The following SYT1 variants were observed in gnomAD, a reference collection of about 807,000 sequenced individuals.
SYT1 encodes the protein synaptotagmin 1.
In SYT1, 8 loss-of-function variants were observed where a neutral mutation model predicts 44.8. That is an observed-to-expected ratio of 0.18 (90% CI 0.10 to 0.32). SYT1 has a LOEUF of 0.32. Among genes scored for constraint, SYT1 ranks in the 10% least tolerant of loss-of-function variants. The pLI is 1.00. For synonymous variants in SYT1, 154 were observed against 188.8 expected (o/e 0.82, Z 1.51); for missense variants, 286 against 509.3 (o/e 0.56, Z 4.22).
chr12:79,240,627 G>C (rs1876448372), intron 4 of SYT1, among the ~76,000 whole-genome samples: 1 of 152,116 alleles, frequency 6.6e-6, no homozygotes. Context: ...TAGATTCCAG[G>C]TTGGAGACAC....
intron 3 of SYT1, among the ~76,000 whole-genome samples, chr12:79,194,177 C>T (rs913153987): frequency 2.0e-5 from 3 of 151,950 alleles, no homozygotes; most frequent in African/African-American, 4.8e-5. Context: ...TCCTGTCTCT[C>T]AGTAAATCTA....
Position 79,293,400 on chromosome 12 carries a change from TAAAA to T in SYT1, c.474+1271_474+1274del, listed in dbSNP as rs1565894676. ...TAAAATAAAATAAAATAAAATAAAA[TAAAA>T]TAAAATTAAAAAATCTGTAAGACAT... On this transcript the variant is annotated intron_variant, in intron 6 of 10. Transcript: ENST00000261205. Among the ~76,000 whole-genome samples, 460 of 53,868 alleles carry T rather than the reference TAAAA, an allele frequency of 8.5e-3. 17 individuals are homozygous for T. The East Asian group carries it at 0.17, about 19-fold the overall frequency. 35.3% of individuals were successfully genotyped at this position (53,868 alleles called of 152,430 possible).
intron 1 of SYT1, among the ~76,000 whole-genome samples, chr12:78,976,997 CA>C (rs1413786745): frequency 6.6e-6 from 1 of 150,682 alleles, no homozygotes; most frequent in Non-Finnish European, 1.5e-5. Context: ...AAATATGGGG[CA>C]AAATTTTTTG....
intron 1 of SYT1, among the ~76,000 whole-genome samples, chr12:78,971,429 T>C (rs921991655): frequency 8.5e-5 from 13 of 152,130 alleles, no homozygotes; most frequent in African/African-American, 2.9e-4. Context: ...ATAGTCTGTG[T>C]TGAGATTTTA....
At chr12:79,145,248 T>C (rs1342626688) in intron 3 of SYT1, among the ~76,000 whole-genome samples, 1 of 152,094 alleles carries the variant, frequency 6.6e-6, no homozygotes, top group Non-Finnish European at 1.5e-5. Context: ...TTATCTAATT[T>C]TATAAATCTC....
intron 2 of SYT1, among the ~76,000 whole-genome samples, chr12:79,026,998 T>A (rs1463696885): frequency 6.6e-6 from 1 of 151,414 alleles, no homozygotes. Context: ...GTGTGGAGGT[T>A]CCTCAAAAAA....
intron 2 of SYT1, among the ~76,000 whole-genome samples, chr12:79,044,122 G>A (rs1465933196): frequency 4.6e-5 from 7 of 151,662 alleles, no homozygotes; most frequent in African/African-American, 1.2e-4. Context: ...TGCTCTTCTC[G>A]AGGAGTATCT....
At chr12:79,383,882 A>G (rs999154930) in intron 9 of SYT1, among the ~76,000 whole-genome samples, 2 of 152,184 alleles carry the variant, frequency 1.3e-5, no homozygotes, top group African/African-American at 4.8e-5. Context: ...AGAACACTAT[A>G]AAAACTAAAT....
At chr12:79,379,504 C>T (rs1466650410) in intron 9 of SYT1, among the ~76,000 whole-genome samples, 1 of 152,124 alleles carries the variant, frequency 6.6e-6, no homozygotes, top group East Asian at 1.9e-4. Context: ...CAATAATACA[C>T]GAAATCCACA....
chr12:78,982,662 T>C (rs1011904035), intron 2 of SYT1, among the ~76,000 whole-genome samples: 1 of 152,168 alleles, frequency 6.6e-6, no homozygotes, highest in Non-Finnish European at 1.5e-5. Flanking sequence ...GATGATGGTA[T>C]GGTCTCGCAG....
intron 3 of SYT1, among the ~76,000 whole-genome samples, chr12:79,147,897 C>T (rs1243799712): frequency 6.6e-6 from 1 of 152,082 alleles, no homozygotes; most frequent in Non-Finnish European, 1.5e-5. Context: ...AATTTCAGCA[C>T]TAACATATAA....
At chr12:79,415,544 G>A (rs1230401049) in intron 9 of SYT1, among the ~76,000 whole-genome samples, 1 of 152,160 alleles carries the variant, frequency 6.6e-6, no homozygotes, top group East Asian at 1.9e-4. Flanking sequence ...ATTTTTGTAT[G>A]ATAGCACATA....
chr12:79,151,035 C>T (rs754503813), intron 3 of SYT1, among the ~76,000 whole-genome samples: 3 of 152,036 alleles, frequency 2.0e-5, no homozygotes, highest in Admixed American at 6.5e-5. Flanking sequence ...TTGTCAGGAC[C>T]GTAAGACAAT....
At chr12:79,289,558 G>A (rs1473702065) in intron 5 of SYT1, among the ~76,000 whole-genome samples, 1 of 152,082 alleles carries the variant, frequency 6.6e-6, no homozygotes, top group African/African-American at 2.4e-5. Context: ...AACCACTTAG[G>A]GAGAAGGAGA....
intron 6 of SYT1, among the ~76,000 whole-genome samples, chr12:79,295,010 A>G (rs539586308): frequency 6.6e-6 from 1 of 152,322 alleles, no homozygotes; most frequent in East Asian, 1.9e-4. Flanking sequence ...GTGGGTCACA[A>G]TTAAAATGGT....
intron 4 of SYT1, among the ~76,000 whole-genome samples, chr12:79,249,395 C>T (rs916943485): frequency 2.6e-5 from 4 of 152,186 alleles, no homozygotes; most frequent in Admixed American, 2.0e-4. Context: ...TGAGCCACCG[C>T]GCCCGGCCCT....
chr12:78,880,414 C>A (rs1474605830), intron 1 of SYT1, among the ~76,000 whole-genome samples: 1 of 151,570 alleles, frequency 6.6e-6, no homozygotes, highest in African/African-American at 2.4e-5. Flanking sequence ...TTCTTCTTAT[C>A]ACTTATCACT....
intron 2 of SYT1, among the ~76,000 whole-genome samples, chr12:79,011,903 G>A (rs112799807): frequency 7.2e-5 from 11 of 152,048 alleles, no homozygotes; most frequent in South Asian, 6.2e-4. Flanking sequence ...GGGCTGAGGC[G>A]GGTGAATCAC....
At chr12:79,090,482 C>T (rs188128832) in intron 3 of SYT1, among the ~76,000 whole-genome samples, 135 of 152,080 alleles carry the variant, frequency 8.9e-4, no homozygotes, top group African/African-American at 3.1e-3. Flanking sequence ...AATACTCCCT[C>T]ATTCCTGAAG....
Sources: allele counts gnomAD v4.1 joint callset (sites outside exome capture counted in the v4.1 genomes callset), GRCh38; gene constraint gnomAD v4.1.1; transcripts MANE v1.5; gene names NCBI Gene and HGNC (gene_info 2026-07-23, HGNC 2026-07-21).